Variants in CHFR observed in about 807,000 individuals in gnomAD.
CHFR encodes checkpoint with forkhead and ring finger domains.
Under a neutral mutation model 87.6 loss-of-function variants are expected in CHFR, and 57 were observed. The ratio of observed to expected loss-of-function variants is 0.65; its 90% CI spans 0.53 to 0.81. CHFR has a LOEUF of 0.81. CHFR is among the 30% of genes least tolerant of loss of function. The probability of loss-of-function intolerance (pLI) is 0.00; values close to 1 mark genes in which losing one functional copy is unlikely to be tolerated. For missense variants in CHFR, 797 were observed against 865.8 expected (o/e 0.92, Z 1.00); for synonymous variants, 381 against 359.2 (o/e 1.06, Z -0.69).
intron 6 of CHFR, chr12:132,861,888 ACCAG>A: frequency 2.1e-6 from 1 of 485,234 alleles, no homozygotes; most frequent in Non-Finnish European, 3.8e-6. Context: ...GATGTCTGTG[ACCAG>A]GCTTAGCCCT....
At position 132,840,055 on chromosome 12, in the gene CHFR, C is replaced by G. The variant is rs1950683465; in HGVS notation, c.*1499G>C. 1 of 159,302 alleles carries G rather than the reference C, an allele frequency of 6.3e-6. No individual in the cohort carries two copies. Among genetic ancestry groups the G allele is most frequent in the Admixed American group, 6.5e-5 (1 of 15,324 alleles). The allele number at this position is 159,302 out of a possible 1,614,324, so 9.9% of individuals were successfully genotyped here. ...CTCCCCTCCCGGCCTCACCCCTGCA[C>G]TAACACGGGACCTCCCCTCTCAGCC... On this transcript the variant is annotated 3_prime_UTR_variant, in exon 18 of 18. Coordinates refer to ENST00000450056, the MANE Select transcript of CHFR (RefSeq NM_001161346.2).
At position 132,837,710 on chromosome 12, in the gene CHFR, G is replaced by C. The variant is rs890767500; in HGVS notation, c.*3844C>G. On this transcript the variant is annotated 3_prime_UTR_variant, in exon 18 of 18. Coordinates refer to ENST00000450056, the MANE Select transcript of CHFR (RefSeq NM_001161346.2). The stretch of plus-strand genomic sequence containing the variant: ...CCGTCCTGCTGCTGGTCAGCGCGCG[G>C]ATCTGCAGGGCTAGGCTGTGCTCTG... 6.6e-6 allele frequency: 1 copy of C among 152,298 alleles called. No homozygotes were observed. The highest frequency in any genetic ancestry group is 6.5e-5 in the Admixed American group (1 of 15,286). 9.4% of individuals were successfully genotyped at this position (152,298 alleles called of 1,614,324 possible).
chr12:132,872,533 G>A, intron 3 of CHFR, 139 bp from the exon 4 acceptor site: 1 of 622,064 alleles, frequency 1.6e-6, no homozygotes, highest in Non-Finnish European at 2.9e-6. Flanking sequence ...ACGTAACGAT[G>A]CACACATCCA....
At chr12:132,841,843 A>G (rs1251141815) in intron 17 of CHFR, among the ~76,000 whole-genome samples, 1 of 152,180 alleles carries the variant, frequency 6.6e-6, no homozygotes, top group African/African-American at 2.4e-5. Flanking sequence ...CACAGTGGCT[A>G]ATGTCTGTAA....
At chr12:132,856,350 G>A (rs1011775556) in intron 10 of CHFR, 118 bp downstream of exon 10, 15 of 1,086,114 alleles carry the variant, frequency 1.4e-5, no homozygotes, top group Non-Finnish European at 2.0e-5. Context: ...GAGCTTGGCT[G>A]CTCAGGGCAG....
At chr12:132,845,997 G>A (rs1419770866) in intron 15 of CHFR, among the ~76,000 whole-genome samples, 1 of 152,190 alleles carries the variant, frequency 6.6e-6, no homozygotes, top group Non-Finnish European at 1.5e-5. Flanking sequence ...GGCTGTAGAA[G>A]CTCAGGGGCA....
intron 6 of CHFR, 64 bp downstream of exon 6, chr12:132,869,555 A>G: frequency 2.8e-6 from 4 of 1,444,452 alleles, no homozygotes; most frequent in Non-Finnish European, 3.8e-6. Context: ...GTAACAACAC[A>G]GGTAAAGAGT....
chr12:132,850,391 T>A (rs1244693008), intron 12 of CHFR, among the ~76,000 whole-genome samples: 1 of 151,786 alleles, frequency 6.6e-6, no homozygotes, highest in Non-Finnish European at 1.5e-5. Context: ...GAGTGAAGAG[T>A]TTGGATTCCT....
At chr12:132,870,695 AC>A (rs755411376) in intron 5 of CHFR, 28 bp downstream of exon 5, 5 of 1,504,168 alleles carry the variant, frequency 3.3e-6, no homozygotes, top group Admixed American at 1.7e-5. Flanking sequence ...CCTAACATGC[AC>A]CCACTTCTTT....
In CHFR at chr12:132,869,661, T is replaced by C; in HGVS notation, c.541A>G (p.Thr181Ala). Reference sequence around the variant, plus strand: ...TCTCGCCCTGCAGGAGAAGGCTCCGTGGAAGAGGCCGAGGCTGTGGGGAAG... The same window carrying C: ...TCTCGCCCTGCAGGAGAAGGCTCCGCGGAAGAGGCCGAGGCTGTGGGGAAG... The part of the protein sequence containing the change: ...DLFPTASASS[T>A]EPSPAGRERS... Residue 181 changes from threonine to alanine, a missense_variant, in exon 6 of 18, where the codon ACG (threonine) becomes GCG (alanine). By Grantham distance (58) the Thr-to-Ala change is moderately conservative. This residue lies in a region of CHFR where 597 missense variants were observed against 601.2 expected (regional missense o/e 0.99). Transcript: ENST00000450056. 6.4e-7 allele frequency: 1 copy of C among 1,551,704 alleles called. No individual in the cohort carries two copies. The highest frequency in any genetic ancestry group is 2.4e-5 in the East Asian group (1 of 40,894).
intron 6 of CHFR, among the ~76,000 whole-genome samples, chr12:132,868,332 T>G (rs1222568594): frequency 1.3e-5 from 2 of 151,942 alleles, no homozygotes; most frequent in Non-Finnish European, 2.9e-5. Context: ...CTACTAAAAA[T>G]ACAAAAAATT....
At chr12:132,886,803 G>A (rs568659596) in intron 2 of CHFR, among the ~76,000 whole-genome samples, 47 of 152,256 alleles carry the variant, frequency 3.1e-4, no homozygotes, top group African/African-American at 1.1e-3. Context: ...CAAGGTCCCC[G>A]TTGTAAAGAC....
chr12:132,845,078 A>AAC (rs1950789024), intron 15 of CHFR, among the ~76,000 whole-genome samples: 1 of 42,284 alleles, frequency 2.4e-5, no homozygotes, highest in Admixed American at 1.9e-4. Context: ...TAAACATCAA[A>AAC]ATTAAAATAA....
intron 6 of CHFR, among the ~76,000 whole-genome samples, chr12:132,868,474 C>G (rs1384785497): frequency 6.6e-6 from 1 of 151,926 alleles, no homozygotes; most frequent in African/African-American, 2.4e-5. Flanking sequence ...CGCACTCCAG[C>G]CTGGGTGACA....
At chr12:132,846,996 TG>T in intron 15 of CHFR, 46 bp downstream of exon 15, 2 of 1,404,630 alleles carry the variant, frequency 1.4e-6, no homozygotes, top group Non-Finnish European at 2.0e-6. Flanking sequence ...GGCACAGCCC[TG>T]GACACTCACA....
Position 132,859,100 on chromosome 12 carries a change from G to C in CHFR, c.879C>G (p.Ile293Met), listed in dbSNP as rs770185579. ...PDKMEETLTC[I>M]ICQDLLHDCV... The stretch of plus-strand genomic sequence containing the variant: ...AGTCGTGCAGCAGGTCCTGGCAGAT[G>C]ATGCATGTCAGCGTCTCCTCCATCT... Residue 293 changes from isoleucine to methionine, a missense_variant, in exon 8 of 18, where the codon ATC (isoleucine) becomes ATG (methionine). Ile to Met is a conservative substitution (Grantham distance 10, BLOSUM62 1). Coordinates refer to ENST00000450056, the MANE Select transcript of CHFR (RefSeq NM_001161346.2). 1 of 1,614,044 alleles carries C rather than the reference G, an allele frequency of 6.2e-7. No individual in the cohort carries two copies. The highest frequency in any genetic ancestry group is 2.2e-5 in the East Asian group (1 of 44,864).
intron 14 of CHFR, chr12:132,847,376 G>GATACAGCGA: frequency 8.4e-7 from 1 of 1,189,268 alleles, no homozygotes; most frequent in Non-Finnish European, 1.1e-6. Flanking sequence ...CAAAAGTTCT[G>GATACAGCGA]CCAAGACCTA....
chr12:132,850,765 G>C (rs1950921453), intron 12 of CHFR, among the ~76,000 whole-genome samples: 1 of 152,104 alleles, frequency 6.6e-6, no homozygotes, highest in Non-Finnish European at 1.5e-5. Context: ...ACACCGGTGT[G>C]TGCGGCAGGA....
chr12:132,868,104 G>A (rs750811776), intron 6 of CHFR: 2 of 152,320 alleles, frequency 1.3e-5, no homozygotes, highest in Middle Eastern at 6.8e-3. Flanking sequence ...CATGGAAGAG[G>A]TAAGAGTCAT....
Sources: allele counts gnomAD v4.1 joint callset (sites outside exome capture counted in the v4.1 genomes callset), GRCh38; gene constraint gnomAD v4.1.1; regional missense constraint gnomAD v4.1.1; transcripts MANE v1.5; gene names NCBI Gene and HGNC (gene_info 2026-07-23, HGNC 2026-07-21).